Variants in ZNF790 observed in about 807,000 individuals in gnomAD.
ZNF790 encodes zinc finger protein 790.
ZNF790 carries 8 observed loss-of-function variants against 12.1 expected under a neutral mutation model. The observed-to-expected ratio is 0.66, with a 90% CI of 0.39 to 1.19. The LOEUF (loss-of-function observed/expected upper bound fraction) is 1.19. Among genes scored for constraint, ZNF790 ranks in the 50% most tolerant of loss-of-function variants. ZNF790 has a pLI of 0.01. For missense variants in ZNF790, 707 were observed against 752.2 expected (o/e 0.94, Z 0.70); for synonymous variants, 252 against 244.3 (o/e 1.03, Z -0.29).
At chr19:36,835,158 G>A (rs953932203) in intron 1 of ZNF790, among the ~76,000 whole-genome samples, 5 of 152,228 alleles carry the variant, frequency 3.3e-5, no homozygotes, top group Admixed American at 6.5e-5. Flanking sequence ...GCATGTTGGC[G>A]CATGCCTGTA....
intron 1 of ZNF790, among the ~76,000 whole-genome samples, chr19:36,826,598 A>G (rs1035493253): frequency 8.2e-6 from 1 of 121,374 alleles, no homozygotes. Flanking sequence ...AAAAAATTAT[A>G]TATAGATAAT....
chr19:36,828,658 TG>T, intron 1 of ZNF790, among the ~76,000 whole-genome samples: 1 of 152,092 alleles, frequency 6.6e-6, no homozygotes, highest in Non-Finnish European at 1.5e-5. Context: ...ATTTTATTTT[TG>T]TCGAGACGGG....
intron 4 of ZNF790, among the ~76,000 whole-genome samples, chr19:36,821,399 A>G (rs554288927): frequency 6.6e-6 from 1 of 152,216 alleles, no homozygotes; most frequent in African/African-American, 2.4e-5. Flanking sequence ...TTTTCATATT[A>G]TAAAAAGGAA....
intron 1 of ZNF790, among the ~76,000 whole-genome samples, chr19:36,835,148 G>C (rs2072019787): frequency 6.6e-6 from 1 of 152,170 alleles, no homozygotes; most frequent in African/African-American, 2.4e-5. Context: ...AATTAGCCGG[G>C]CATGTTGGCG....
chr19:36,842,145 T>G (rs1254064069), upstream of ZNF790, among the ~76,000 whole-genome samples: 1 of 152,210 alleles, frequency 6.6e-6, no homozygotes, highest in Non-Finnish European at 1.5e-5. Flanking sequence ...ATAGAAAATG[T>G]AAACGTCTGC....
chr19:36,850,675 C>T (rs1451441658), upstream of ZNF790: 1 of 152,178 alleles, frequency 6.6e-6, no homozygotes. Context: ...GTGAGACTCC[C>T]GGAAGGCTCC....
rs1215610590 is a variant in ZNF790, at chr19:36,819,321, C to G, written c.1023G>C (p.Lys341Asn). Residue 341 changes from lysine (K) to asparagine (N), a missense_variant, in exon 5 of 5, where the codon AAG becomes AAC. Coordinates refer to ENST00000356725, the MANE Select transcript of ZNF790 (RefSeq NM_206894.4). The part of the protein sequence containing the change: ...IHTGEKPYEC[K>N]ECGKAFTRGS... ...CACGAGTAAAAGCTTTCCCACACTC[C>G]TTACATTCATAAGGTTTTTCACCAG... The G allele has an allele frequency of 1.2e-6, 2 of 1,611,480 alleles. No individual in the cohort carries two copies. Among genetic ancestry groups the G allele is most frequent in the Non-Finnish European group, 1.7e-6 (2 of 1,178,596 alleles).
At position 36,818,459 on chromosome 19, in the gene ZNF790, T is replaced by C. The variant is rs1377344636; in HGVS notation, c.1885A>G (p.Ser629Gly). The C allele has an allele frequency of 1.3e-6, 2 of 1,562,396 alleles. No homozygotes were observed. Among genetic ancestry groups the C allele is most frequent in the Non-Finnish European group, 1.7e-6 (2 of 1,151,340 alleles). ...CACAAGAGTGAAATGAAGTGAGAGC[T>C]TGAAGAAAATGCTTTCTCAAAATCT... ...FKDFEKAFSS[S>G]SHFISLL Residue 629 changes from serine to glycine, a missense_variant, in exon 5 of 5, where the codon AGC (serine) becomes GGC (glycine). By Grantham distance (56) the Ser-to-Gly change is moderately conservative (BLOSUM62 0). Coordinates refer to ENST00000356725, the MANE Select transcript of ZNF790 (RefSeq NM_206894.4).
chr19:36,845,735 T>C (rs933503078), intron 1 of ZNF790, among the ~76,000 whole-genome samples: 1 of 151,942 alleles, frequency 6.6e-6, no homozygotes, highest in Non-Finnish European at 1.5e-5. Flanking sequence ...TGGATCCACC[T>C]TTGGCTTTGC....
chr19:36,835,513 A>T (rs982586225), intron 1 of ZNF790, among the ~76,000 whole-genome samples: 2 of 152,170 alleles, frequency 1.3e-5, no homozygotes, highest in African/African-American at 4.8e-5. Context: ...TAATCAACAG[A>T]GGTTGAGGTC....
upstream of ZNF790, among the ~76,000 whole-genome samples, chr19:36,843,232 G>A (rs924942517): frequency 4.0e-4 from 61 of 152,302 alleles, no homozygotes; most frequent in African/African-American, 1.4e-3. Context: ...TGTGAGAAAA[G>A]AGGGACACAG....
In ZNF790 at chr19:36,838,341, C is replaced by A. The variant is rs1016546892; in HGVS notation, c.-78G>T. 2 of 152,422 alleles carry A rather than the reference C, an allele frequency of 1.3e-5. No individual in the cohort carries two copies. Among genetic ancestry groups the A allele is most frequent in the East Asian group, 3.8e-4 (2 of 5,196 alleles). 9.4% of individuals were successfully genotyped at this position (152,422 alleles called of 1,614,324 possible). A position where few individuals can be genotyped will look rare whatever the true frequency, so the allele number is the denominator to read the frequency against. ...CTGTGTCTCGGAATCACTCACCCGG[C>A]CCTGCGGTCCCTTGATGGTGGAAGG... On this transcript the variant is annotated 5_prime_UTR_variant, in exon 1 of 5. Coordinates refer to ENST00000356725, the MANE Select transcript of ZNF790 (RefSeq NM_206894.4). This position sits in a 1 kb window ranked among gnomAD's most constrained non-coding sequence, Gnocchi z 4.4.
upstream of ZNF790, among the ~76,000 whole-genome samples, chr19:36,841,619 C>CA (rs1028544003): frequency 1.5e-4 from 23 of 151,504 alleles, no homozygotes; most frequent in Non-Finnish European, 3.2e-4. Context: ...GACTCCATCT[C>CA]AAAAAATATA....
chr19:36,827,141 C>CACACACACACACACATATATAT (rs1313807327), intron 1 of ZNF790, among the ~76,000 whole-genome samples: 6 of 84,442 alleles, frequency 7.1e-5, no homozygotes, highest in Admixed American at 5.5e-4. Flanking sequence ...CACACACACA[C>CACACACACACACACATATATAT]ATATATATAT....
At chr19:36,822,787 G>A (rs2071702880) in intron 4 of ZNF790, among the ~76,000 whole-genome samples, 1 of 151,978 alleles carries the variant, frequency 6.6e-6, no homozygotes, top group South Asian at 2.1e-4. Context: ...TGGACTGCCT[G>A]CCTCGGCCTC....
intron 3 of ZNF790, 94 bp from the exon 4 acceptor site, chr19:36,823,474 C>T (rs2071721898): frequency 7.6e-7 from 1 of 1,322,468 alleles, no homozygotes; most frequent in African/African-American, 1.5e-5. Flanking sequence ...GAAACAATTA[C>T]AGGCAGGACA....
intron 1 of ZNF790, among the ~76,000 whole-genome samples, chr19:36,844,536 G>A (rs2072159647): frequency 6.6e-6 from 1 of 152,042 alleles, no homozygotes; most frequent in Non-Finnish European, 1.5e-5. Context: ...AGTAGAGACA[G>A]CGTGGAGAAG....
chr19:36,818,821 C>G lies in ZNF790; in HGVS notation c.1523G>C (p.Cys508Ser). Reference protein sequence around the residue: ...KIHTGKRPYECEECGKAFLWG... With the variant: ...KIHTGKRPYESEECGKAFLWG... ...GAGAAAGGCTTTTCCACATTCTTCACATTCATATGGCCTCTTTCCAGTATG... is the reference window on the plus strand; with the variant it reads ...GAGAAAGGCTTTTCCACATTCTTCAGATTCATATGGCCTCTTTCCAGTATG... Residue 508 changes from cysteine to serine, a missense_variant, in exon 5 of 5, where the codon TGT (cysteine) becomes TCT (serine). Physicochemically the swap from Cys to Ser is moderately radical, Grantham distance 112 (BLOSUM62 -1). Coordinates refer to ENST00000356725, the MANE Select transcript of ZNF790 (RefSeq NM_206894.4). The G allele has an allele frequency of 6.2e-7, 1 of 1,612,670 alleles. No homozygotes were observed. Among genetic ancestry groups the G allele is most frequent in the Non-Finnish European group, 8.5e-7 (1 of 1,179,368 alleles).
intron 2 of ZNF790, 109 bp from the exon 3 acceptor site, chr19:36,823,899 CAT>C: frequency 9.9e-7 from 1 of 1,009,210 alleles, no homozygotes; most frequent in Non-Finnish European, 1.4e-6. Flanking sequence ...GGGAGTGGGG[CAT>C]ATATTGGGCG....
Sources: allele counts gnomAD v4.1 joint callset (sites outside exome capture counted in the v4.1 genomes callset), GRCh38; gene constraint gnomAD v4.1.1; non-coding constraint Gnocchi (gnomAD v3.1); transcripts MANE v1.5; gene names NCBI Gene and HGNC (gene_info 2026-07-23, HGNC 2026-07-21).